The following CCDC30 variants were observed in gnomAD, a reference collection of about 807,000 sequenced individuals.
CCDC30 encodes the protein coiled-coil domain-containing protein 30.
Under a neutral mutation model 100.2 loss-of-function variants are expected in CCDC30, and 70 were observed. The ratio of observed to expected loss-of-function variants is 0.70; its 90% CI spans 0.58 to 0.85. The LOEUF (loss-of-function observed/expected upper bound fraction) is 0.85. Among genes scored for constraint, CCDC30 ranks in the 40% least tolerant of loss-of-function variants. CCDC30 has a pLI of 0.00. For synonymous variants in CCDC30, 233 were observed against 269.5 expected, an observed-to-expected ratio of 0.86 and a Z score of 1.33; for missense variants, 652 against 771.2, an observed-to-expected ratio of 0.85 and a Z score of 1.83.
intron 5 of CCDC30, among the ~76,000 whole-genome samples, 199 bp downstream of exon 5, chr1:42,497,412 A>G (rs1294395272): frequency 1.3e-5 from 2 of 152,310 alleles, no homozygotes; most frequent in East Asian, 3.9e-4. Context: ...TTAACTACCT[A>G]TGCTAAACAG....
intron 10 of CCDC30, among the ~76,000 whole-genome samples, chr1:42,603,896 C>A (rs982911929): frequency 1.1e-4 from 16 of 152,164 alleles, no homozygotes; most frequent in African/African-American, 3.6e-4. Flanking sequence ...TCTTTGGACA[C>A]CACTAAAAAC....
intron 6 of CCDC30, among the ~76,000 whole-genome samples, chr1:42,512,620 A>G (rs145379603): frequency 6.6e-6 from 1 of 152,178 alleles, no homozygotes; most frequent in Non-Finnish European, 1.5e-5. Flanking sequence ...CCATGGATAG[A>G]AAAGAAGGAA....
chr1:42,611,269 CCTAATTTCTT>C (rs1283963395), intron 11 of CCDC30, among the ~76,000 whole-genome samples, 179 bp downstream of exon 15: 2 of 151,978 alleles, frequency 1.3e-5, no homozygotes, highest in Non-Finnish European at 2.9e-5. Flanking sequence ...AAATATGGGG[CCTAATTTCTT>C]CTCAAGAGAG....
chr1:42,637,318 A>C (rs1647180009), exon 12 of CCDC30: 2 of 1,588,634 alleles, frequency 1.3e-6, no homozygotes, highest in Non-Finnish European at 8.5e-7. Flanking sequence ...TAGAACTACG[A>C]GATAAGAGAA....
chr1:42,469,219 A>T (rs1643686832), intron 1 of CCDC30, among the ~76,000 whole-genome samples: 1 of 152,204 alleles, frequency 6.6e-6, no homozygotes, highest in Non-Finnish European at 1.5e-5. Context: ...TCTCTAAAAA[A>T]ATAATTTTAA....
chr1:42,506,925 A>C (rs531599239), intron 6 of CCDC30, among the ~76,000 whole-genome samples: 2 of 152,260 alleles, frequency 1.3e-5, no homozygotes, highest in African/African-American at 4.8e-5. Flanking sequence ...CATTGGTTTA[A>C]TGTTAACCCC....
At chr1:42,532,731 G>A (rs1644825900) in intron 6 of CCDC30, among the ~76,000 whole-genome samples, 2 of 152,118 alleles carry the variant, frequency 1.3e-5, no homozygotes, top group African/African-American at 2.4e-5. Context: ...CGTTATGAGA[G>A]CGTATACAAT....
rs75997641 is a variant in CCDC30 at position 42,517,750 on chromosome 1, A to G, written c.456+18834A>G. Reference sequence around the variant, plus strand: ...CTAGACTTGATGGCTTCGTTCTACCAAACATTTAAATATCAAATATGCAAG... The same window carrying G: ...CTAGACTTGATGGCTTCGTTCTACCGAACATTTAAATATCAAATATGCAAG... On this transcript the variant is annotated intron_variant, in intron 6 of 16. Transcript: ENST00000668663. Among the ~76,000 whole-genome samples the G allele has an allele frequency of 8.2e-3, 1,246 of 152,314 alleles. 13 individuals are homozygous for G. Among genetic ancestry groups the G allele is most frequent in the African/African-American group, 0.027 (1,128 of 41,574 alleles).
At chr1:42,559,758 C>T (rs963070775) in intron 6 of CCDC30, among the ~76,000 whole-genome samples, 1 of 152,152 alleles carries the variant, frequency 6.6e-6, no homozygotes, top group African/African-American at 2.4e-5. Flanking sequence ...CAAGGATATT[C>T]AGGACTTGAA....
intron 8 of CCDC30, among the ~76,000 whole-genome samples, chr1:42,577,714 T>C (rs997646027): frequency 1.3e-5 from 2 of 152,000 alleles, no homozygotes; most frequent in Admixed American, 1.3e-4. Context: ...GATCTCGGCT[T>C]ACTACAAGCT....
chr1:42,541,229 T>C (rs927945945), intron 6 of CCDC30, among the ~76,000 whole-genome samples: 3 of 152,222 alleles, frequency 2.0e-5, no homozygotes, highest in Non-Finnish European at 2.9e-5. Context: ...TATCTTCACA[T>C]GGCCAACAGC....
chr1:42,652,859 A>G (rs1402894119), intron 15 of CCDC30, among the ~76,000 whole-genome samples: 1 of 152,182 alleles, frequency 6.6e-6, no homozygotes, highest in Non-Finnish European at 1.5e-5. Context: ...TATATTAGTG[A>G]TTGCCAAGGA....
At chr1:42,609,284 G>A (rs751308799) in intron 10 of CCDC30, among the ~76,000 whole-genome samples, 2 of 151,990 alleles carry the variant, frequency 1.3e-5, no homozygotes, top group Non-Finnish European at 2.9e-5. Flanking sequence ...CTACCTTATC[G>A]TTTTCTTAAT....
Position 42,653,373 on chromosome 1 carries a change from T to C in CCDC30, c.1855-3T>C. ...TTCACATTCATCCTTTCTTTCCTTT[T>C]AGGAAACAACAATTAGTGACATCCT... On this transcript the variant is annotated splice_polypyrimidine_tract_variant and splice_region_variant and intron_variant, in intron 15 of 16. Transcript: ENST00000668663. 2 of 1,586,960 alleles carry C rather than the reference T, an allele frequency of 1.3e-6. No individual in the cohort carries two copies. The highest frequency in any genetic ancestry group is 1.7e-6 in the Non-Finnish European group (2 of 1,158,774).
chr1:42,635,270 T>G (rs1647129329), intron 11 of CCDC30, among the ~76,000 whole-genome samples: 1 of 152,040 alleles, frequency 6.6e-6, no homozygotes, highest in Non-Finnish European at 1.5e-5. Flanking sequence ...GGTCTTGAAC[T>G]CCTGACCTCA....
At chr1:42,483,885 CA>C (rs1385831871) in intron 3 of CCDC30, among the ~76,000 whole-genome samples, 1 of 151,938 alleles carries the variant, frequency 6.6e-6, no homozygotes, top group Non-Finnish European at 1.5e-5. Flanking sequence ...TTCTTCACTA[CA>C]AGGTTATTGA....
chr1:42,572,125 C>T (rs1015363092), intron 7 of CCDC30, among the ~76,000 whole-genome samples: 1 of 152,184 alleles, frequency 6.6e-6, no homozygotes, highest in African/African-American at 2.4e-5. Flanking sequence ...TAAAGTCTTC[C>T]ACCAACAGTG....
intron 1 of CCDC30, among the ~76,000 whole-genome samples, chr1:42,466,825 T>A (rs1375724405): frequency 5.9e-5 from 9 of 152,228 alleles, no homozygotes; most frequent in African/African-American, 2.2e-4. Context: ...GTGCTGGGAT[T>A]ACAGGCATGA....
intron 6 of CCDC30, among the ~76,000 whole-genome samples, chr1:42,499,221 G>C (rs1255932201): frequency 6.6e-6 from 1 of 152,176 alleles, no homozygotes; most frequent in Non-Finnish European, 1.5e-5. Flanking sequence ...GTAGGCTCCA[G>C]TGTGTACAGT....
Sources: gnomAD v4.1 joint callset for allele counts (sites outside exome capture counted in the v4.1 genomes callset) on GRCh38, gnomAD v4.1.1 for gene constraint, MANE v1.5 for transcripts, NCBI Gene and HGNC (gene_info 2026-07-23, HGNC 2026-07-21) for gene names.